The following HMBOX1 variants were observed in gnomAD, a reference collection of about 807,000 sequenced individuals.
HMBOX1 encodes homeobox containing 1.
HMBOX1 carries 14 observed loss-of-function variants against 54.5 expected under a neutral mutation model. That is an observed-to-expected ratio of 0.26 (90% CI 0.17 to 0.40). The LOEUF is 0.40. Among genes scored for constraint, HMBOX1 ranks in the 10% least tolerant of loss-of-function variants. The probability of loss-of-function intolerance (pLI) is 1.00; values close to 1 mark genes in which losing one functional copy is unlikely to be tolerated. For synonymous variants in HMBOX1, 160 were observed against 181.0 expected (o/e 0.88, Z 0.93); for missense variants, 332 against 514.4 (o/e 0.65, Z 3.43).
chr8:28,900,486 T>C (rs1813046692), intron 1 of HMBOX1, among the ~76,000 whole-genome samples: 1 of 151,888 alleles, frequency 6.6e-6, no homozygotes, highest in African/African-American at 2.4e-5. Flanking sequence ...CTGTTTATAA[T>C]TGGGAGTGTT....
chr8:28,905,355 G>GCA lies in HMBOX1; in HGVS notation c.-58+14693_-58+14694dup, dbSNP rs145777370. On this transcript the variant is annotated intron_variant, in intron 1 of 9. Coordinates refer to ENST00000287701, the MANE Select transcript of HMBOX1 (RefSeq NM_001135726.3). ...CGCGTGCATGCGCACACACACGCAC[G>GCA]CACACACACACACACACGCAGAGAG... 7.5e-3 allele frequency among the ~76,000 whole-genome samples: 1,119 copies of GCA among 149,178 alleles called. 6 individuals are homozygous for GCA. Among genetic ancestry groups the GCA allele is most frequent in the Non-Finnish European group, 9.6e-3 (641 of 66,990 alleles).
chr8:28,939,012 A>T (rs1214534065), intron 1 of HMBOX1, among the ~76,000 whole-genome samples: 2 of 152,094 alleles, frequency 1.3e-5, no homozygotes, highest in African/African-American at 4.8e-5. Context: ...AAAAGAAGCC[A>T]GGTGTGGTGG....
intron 6 of HMBOX1, among the ~76,000 whole-genome samples, chr8:29,021,927 A>G (rs1004956762): frequency 7.2e-5 from 11 of 152,100 alleles, no homozygotes; most frequent in African/African-American, 2.7e-4. Flanking sequence ...CTACATTGAG[A>G]TACTATTCTT....
intron 6 of HMBOX1, 128 bp from the exon 7 acceptor site, chr8:29,045,233 A>G: frequency 1.4e-6 from 1 of 734,162 alleles, no homozygotes; most frequent in East Asian, 2.5e-5. Context: ...AGAACATTCC[A>G]TTTGACAGCC....
At chr8:28,906,845 G>A (rs1814433462) in intron 1 of HMBOX1, among the ~76,000 whole-genome samples, 1 of 152,120 alleles carries the variant, frequency 6.6e-6, no homozygotes, top group South Asian at 2.1e-4. Context: ...GCTGGCCTTG[G>A]CCTCCCAAAG....
chr8:28,958,206 A>G (rs1027762078), intron 1 of HMBOX1, among the ~76,000 whole-genome samples: 2 of 152,150 alleles, frequency 1.3e-5, no homozygotes, highest in Non-Finnish European at 2.9e-5. Flanking sequence ...GCCTCAAGCA[A>G]TCTTCTTGCC....
chr8:28,926,542 T>C (rs1016061898), intron 1 of HMBOX1, among the ~76,000 whole-genome samples: 11 of 152,088 alleles, frequency 7.2e-5, no homozygotes, highest in Non-Finnish European at 1.3e-4. Context: ...CTTTATAAAG[T>C]AGAGCTTTTT....
chr8:28,996,897 ATTG>A (rs1248304795), intron 4 of HMBOX1, among the ~76,000 whole-genome samples: 2 of 151,818 alleles, frequency 1.3e-5, no homozygotes, highest in African/African-American at 4.8e-5. Flanking sequence ...TTATTTTTGG[ATTG>A]TTTATAGTTA....
chr8:29,049,501 C>A, intron 9 of HMBOX1: 9 of 1,443,880 alleles, frequency 6.2e-6, no homozygotes, highest in Non-Finnish European at 8.2e-6. Flanking sequence ...GAAGGCCCCA[C>A]TCACTCTGGC....
intron 6 of HMBOX1, among the ~76,000 whole-genome samples, chr8:29,026,210 A>G (rs1012661011): frequency 1.3e-5 from 2 of 152,100 alleles, no homozygotes; most frequent in African/African-American, 4.8e-5. Context: ...TGTGTATTCC[A>G]CATATTTGAC....
At chr8:29,042,346 TG>T (rs1433012816) in intron 6 of HMBOX1, among the ~76,000 whole-genome samples, 3 of 152,126 alleles carry the variant, frequency 2.0e-5, no homozygotes, top group African/African-American at 7.2e-5. Context: ...GAATGAGTAA[TG>T]CTCAGAACAG....
At position 29,052,753 on chromosome 8, in the gene HMBOX1, C is replaced by T. The variant is rs1056966823; in HGVS notation, c.*1598C>T. The T allele has an allele frequency of 6.6e-6, 1 of 152,202 alleles. No individual in the cohort carries two copies. The highest frequency in any genetic ancestry group is 1.5e-5 in the Non-Finnish European group (1 of 68,046). 9.4% of individuals were successfully genotyped at this position (152,202 alleles called of 1,614,324 possible). On this transcript the variant is annotated 3_prime_UTR_variant, in exon 10 of 10. Coordinates refer to ENST00000287701, the MANE Select transcript of HMBOX1 (RefSeq NM_001135726.3). ...GGAAAGAGCCTTCAATGTAGCAGCA[C>T]AGGGTGCGCCTGAAAGAGGCACAAC...
intron 8 of HMBOX1, among the ~76,000 whole-genome samples, chr8:29,047,862 G>T (rs1314637914): frequency 6.6e-6 from 1 of 151,886 alleles, no homozygotes; most frequent in Non-Finnish European, 1.5e-5. Flanking sequence ...CCACCGTGCC[G>T]GATCCTAACT....
intron 1 of HMBOX1, among the ~76,000 whole-genome samples, chr8:28,959,839 A>G (rs1038541390): frequency 6.6e-6 from 1 of 152,090 alleles, no homozygotes; most frequent in East Asian, 1.9e-4. Flanking sequence ...TGGTTTGACT[A>G]AAGAGTTTAT....
At chr8:28,965,247 T>C (rs1055157464) in intron 2 of HMBOX1, among the ~76,000 whole-genome samples, 7 of 152,234 alleles carry the variant, frequency 4.6e-5, no homozygotes, top group African/African-American at 1.7e-4. Flanking sequence ...TCTCCAGTTT[T>C]CTCATTCCAC....
chr8:29,022,040 T>G (rs1236196077), intron 6 of HMBOX1, among the ~76,000 whole-genome samples: 1 of 152,100 alleles, frequency 6.6e-6, no homozygotes, highest in Admixed American at 6.6e-5. Context: ...AAATGCAAAA[T>G]GAAACAACTT....
Position 28,916,181 on chromosome 8 carries a change from C to T in HMBOX1, c.-58+25503C>T, listed in dbSNP as rs549496493. ...TTCATATCTTTAAGAAAGAAGACAGCATATTTTCAGTATCTGCCCTCTAAG... is the reference window on the plus strand; with the variant it reads ...TTCATATCTTTAAGAAAGAAGACAGTATATTTTCAGTATCTGCCCTCTAAG... On this transcript the variant is annotated intron_variant, in intron 1 of 9. Transcript: ENST00000287701. 1.5e-3 allele frequency among the ~76,000 whole-genome samples: 235 copies of T among 152,288 alleles called. 1 individual carries two copies. The highest frequency in any genetic ancestry group is 3.1e-3 in the Non-Finnish European group (208 of 68,018).
intron 1 of HMBOX1, among the ~76,000 whole-genome samples, chr8:28,919,921 A>C (rs1817240438): frequency 6.6e-6 from 1 of 152,166 alleles, no homozygotes; most frequent in Non-Finnish European, 1.5e-5. Flanking sequence ...TGAAAGCCAT[A>C]GTCAAAAGTG....
chr8:28,918,369 A>C (rs1816938963), intron 1 of HMBOX1, among the ~76,000 whole-genome samples: 2 of 151,908 alleles, frequency 1.3e-5, no homozygotes, highest in African/African-American at 4.8e-5. Flanking sequence ...ACGCCTGGCT[A>C]ATTTTTTGTA....
Sources: gnomAD v4.1 joint callset for allele counts (sites outside exome capture counted in the v4.1 genomes callset) on GRCh38, gnomAD v4.1.1 for gene constraint, MANE v1.5 for transcripts, NCBI Gene and HGNC (gene_info 2026-07-23, HGNC 2026-07-21) for gene names.